RBM25: variants seen among roughly 807,000 people sequenced by gnomAD.
The protein encoded by RBM25 is RNA binding motif protein 25.
RBM25 carries 19 observed loss-of-function variants against 120.7 expected under a neutral mutation model. The observed-to-expected ratio is 0.16, with a 90% CI of 0.11 to 0.23. The LOEUF is 0.23. Ranked by LOEUF, RBM25 falls within the 10% of genes least tolerant of loss-of-function variation. The probability of loss-of-function intolerance (pLI) is 1.00; values close to 1 mark genes in which losing one functional copy is unlikely to be tolerated. For missense variants in RBM25, 605 were observed against 1,041.5 expected, an observed-to-expected ratio of 0.58 and a Z score of 5.77; for synonymous variants, 390 against 326.7, an observed-to-expected ratio of 1.19 and a Z score of -2.09.
At chr14:73,108,959 C>T (rs929489035) in intron 13 of RBM25, among the ~76,000 whole-genome samples, 1 of 152,196 alleles carries the variant, frequency 6.6e-6, no homozygotes, top group African/African-American at 2.4e-5. Flanking sequence ...GGATACAGAA[C>T]TCTCAGTGCT....
intron 5 of RBM25, among the ~76,000 whole-genome samples, chr14:73,087,443 C>T (rs994683385): frequency 3.3e-5 from 5 of 151,082 alleles, no homozygotes; most frequent in South Asian, 2.1e-4. Context: ...TCGCCCAGGC[C>T]GGACTGCAGT....
intron 1 of RBM25, among the ~76,000 whole-genome samples, chr14:73,059,571 G>A (rs1894950755): frequency 6.6e-6 from 1 of 152,216 alleles, no homozygotes; most frequent in South Asian, 2.1e-4. Flanking sequence ...GAGAAGGGAA[G>A]AGATTGGACC....
At chr14:73,070,583 A>G (rs1417032805) in intron 1 of RBM25, among the ~76,000 whole-genome samples, 1 of 152,054 alleles carries the variant, frequency 6.6e-6, no homozygotes, top group East Asian at 1.9e-4. Context: ...TTTGTCTCTT[A>G]GGTAGTGGCC....
At chr14:73,065,429 ATT>A (rs112029341) in intron 1 of RBM25, among the ~76,000 whole-genome samples, 1 of 134,058 alleles carries the variant, frequency 7.5e-6, no homozygotes, top group Non-Finnish European at 1.6e-5. Flanking sequence ...TGCCCAGCTA[ATT>A]TTTTTTTTTT....
At chr14:73,100,171 A>G (rs552850871) in intron 9 of RBM25, 2 of 523,730 alleles carry the variant, frequency 3.8e-6, no homozygotes, top group African/African-American at 3.9e-5. Context: ...ATTTGTATAG[A>G]TTTAAGTTGA....
rs749292782 is a variant in RBM25, at chr14:73,096,999, G to A, written c.628G>A (p.Ala210Thr). ...TKRRDQMIKG[A>T]IEVLIREYSS... Reference sequence around the variant, plus strand: ...GAGGAGAGATCAGATGATTAAAGGGGCTATTGAAGTTTTAATTCGTGAATA... The same window carrying A: ...GAGGAGAGATCAGATGATTAAAGGGACTATTGAAGTTTTAATTCGTGAATA... Residue 210 changes from alanine (A) to threonine (T), a missense_variant, in exon 7 of 19, where the codon GCT (alanine) becomes ACT (threonine). Physicochemically the swap from Ala to Thr is moderately conservative, Grantham distance 58 (BLOSUM62 0). Transcript: ENST00000261973. 3.1e-6 allele frequency: 5 copies of A among 1,613,732 alleles called. No individual in the cohort carries two copies. The South Asian group carries it at 4.4e-5, about 14-fold the overall frequency.
chr14:73,094,938 T>C (rs957427388), intron 6 of RBM25, among the ~76,000 whole-genome samples: 8 of 151,718 alleles, frequency 5.3e-5, no homozygotes, highest in Non-Finnish European at 1.2e-4. Context: ...CTCACTGCAG[T>C]CTCCACCTCC....
chr14:73,108,435 A>G (rs1339669592), intron 13 of RBM25, among the ~76,000 whole-genome samples: 2 of 151,864 alleles, frequency 1.3e-5, no homozygotes, highest in East Asian at 1.9e-4. Flanking sequence ...TAGCAATTTG[A>G]CCTCCCGTCT....
chr14:73,071,361 C>T (rs1030797269), intron 1 of RBM25, among the ~76,000 whole-genome samples: 30 of 151,746 alleles, frequency 2.0e-4, no homozygotes, highest in African/African-American at 6.0e-4. Context: ...ATTAACTGAA[C>T]CTCAAAATTT....
intron 4 of RBM25, 32 bp downstream of exon 4, chr14:73,077,568 T>A: frequency 1.3e-6 from 2 of 1,511,208 alleles, no homozygotes; most frequent in African/African-American, 1.4e-5. Context: ...TCATTAAAAA[T>A]TTTTTTATCA....
chr14:73,112,646 T>C (rs1490015476), intron 17 of RBM25, among the ~76,000 whole-genome samples: 1 of 152,190 alleles, frequency 6.6e-6, no homozygotes, highest in East Asian at 1.9e-4. Flanking sequence ...CCAATATCTT[T>C]TCCCAACTCC....
chr14:73,099,734 T>A lies in RBM25; in HGVS notation c.851T>A (p.Phe284Tyr). Residue 284 changes from phenylalanine to tyrosine, a missense_variant, in exon 9 of 19, where the codon TTC (phenylalanine) becomes TAC (tyrosine). By Grantham distance (22) the Phe-to-Tyr change is conservative. Coordinates refer to ENST00000261973, the MANE Select transcript of RBM25 (RefSeq NM_021239.3). ...RDLISREISK[F>Y]RDTHKKLEEE... Reference sequence around the variant, plus strand: ...CTGATATCTCGAGAGATCAGCAAATTCAGAGACACACATAAGGTAGTATTC... The same window carrying A: ...CTGATATCTCGAGAGATCAGCAAATACAGAGACACACATAAGGTAGTATTC... 1 of 1,609,958 alleles carries A rather than the reference T, an allele frequency of 6.2e-7. No individual in the cohort carries two copies. The highest frequency in any genetic ancestry group is 8.5e-7 in the Non-Finnish European group (1 of 1,179,014).
chr14:73,089,729 C>T (rs183635711), intron 6 of RBM25, among the ~76,000 whole-genome samples: 16 of 150,542 alleles, frequency 1.1e-4, no homozygotes, highest in Admixed American at 2.0e-4. Flanking sequence ...TGCAGTGGTG[C>T]GACCTTAGCT....
rs200144909 is a variant in RBM25 at position 73,122,279 on chromosome 14, GT to G, written c.*2487del. The G allele has an allele frequency of 0.022, 3,165 of 143,110 alleles. 84 individuals are homozygous for G. The highest frequency in any genetic ancestry group is 0.056 in the African/African-American group (2,191 of 39,352). 8.9% of individuals were successfully genotyped at this position (143,110 alleles called of 1,614,324 possible). On this transcript the variant is annotated 3_prime_UTR_variant, in exon 19 of 19. Transcript: ENST00000261973. ...AGTCTTTTTTTGTTGTTTTTTTGGG[GT>G]TTTTTTTTTTTTGAGAGGAAGTTGT...
At chr14:73,110,358 T>C (rs1240860923) in intron 14 of RBM25, among the ~76,000 whole-genome samples, 2 of 152,056 alleles carry the variant, frequency 1.3e-5, no homozygotes, top group African/African-American at 4.8e-5. Flanking sequence ...GAATACTTTA[T>C]GCTTTTTTGT....
At chr14:73,060,061 A>G (rs1894964371) in intron 1 of RBM25, among the ~76,000 whole-genome samples, 1 of 151,670 alleles carries the variant, frequency 6.6e-6, no homozygotes, top group African/African-American at 2.4e-5. Context: ...TTTTTTTAAG[A>G]CGGAGTCTTG....
In RBM25 at chr14:73,103,934, T is replaced by TCTCTCTC. The variant is rs1896113119; in HGVS notation, c.1154+457_1154+463dup. 5.1e-5 allele frequency among the ~76,000 whole-genome samples: 3 copies of TCTCTCTC among 59,190 alleles called. 1 individual carries two copies. Among genetic ancestry groups the TCTCTCTC allele is most frequent in the African/African-American group, 1.2e-4 (2 of 16,898 alleles). 38.8% of individuals were successfully genotyped at this position (59,190 alleles called of 152,430 possible). A position where few individuals can be genotyped will look rare whatever the true frequency, so the allele number is the denominator to read the frequency against. On this transcript the variant is annotated intron_variant, in intron 10 of 18. Coordinates refer to ENST00000261973, the MANE Select transcript of RBM25 (RefSeq NM_021239.3). ...CTCTCTCTCTCTCTCTCTCTCTCTC[T>TCTCTCTC]CTCTCTCTCTCTCTCACACACACAC...
chr14:73,106,138 AATATTT>A lies in RBM25; in HGVS notation c.1378-54_1378-49del. 8 of 1,584,030 alleles carry A rather than the reference AATATTT, an allele frequency of 5.1e-6. No homozygotes were observed. The South Asian group carries it at 9.4e-5, about 19-fold the overall frequency. ...CTTGGTATCCCTTAATAGGTTAATCAATATTTATAGAATGCTATGTATAAATTTTTA... is the reference window on the plus strand; with the variant it reads ...CTTGGTATCCCTTAATAGGTTAATCAATAGAATGCTATGTATAAATTTTTA... On this transcript the variant is annotated intron_variant, in intron 11 of 18. Transcript: ENST00000261973.
chr14:73,104,055 T>G (rs562758698), intron 10 of RBM25, among the ~76,000 whole-genome samples: 1 of 151,790 alleles, frequency 6.6e-6, no homozygotes, highest in Admixed American at 6.6e-5. Flanking sequence ...CTCTGGTTAA[T>G]TTCTGTCTGA....
Sources: allele counts gnomAD v4.1 joint callset (sites outside exome capture counted in the v4.1 genomes callset), GRCh38; gene constraint gnomAD v4.1.1; transcripts MANE v1.5; gene names NCBI Gene and HGNC (gene_info 2026-07-23, HGNC 2026-07-21).